The following ILRUN variants were observed in gnomAD, a reference collection of about 807,000 sequenced individuals.
The protein encoded by ILRUN is protein ILRUN.
ILRUN carries 3 observed loss-of-function variants against 33.8 expected under a neutral mutation model. The ratio of observed to expected loss-of-function variants is 0.09; its 90% confidence interval spans 0.04 to 0.23. The LOEUF (loss-of-function observed/expected upper bound fraction) is 0.23. Among genes scored for constraint, ILRUN ranks in the 10% least tolerant of loss-of-function variants. The pLI, the probability that ILRUN is intolerant of heterozygous loss-of-function variation, is 1.00. For missense variants in ILRUN, 210 were observed against 375.1 expected (o/e 0.56, Z 3.64); for synonymous variants, 124 against 138.9 (o/e 0.89, Z 0.75).
At chr6:34,669,980 C>T (rs970176486) in intron 1 of ILRUN, among the ~76,000 whole-genome samples, 2 of 151,756 alleles carry the variant, frequency 1.3e-5, no homozygotes, top group Non-Finnish European at 2.9e-5. Context: ...GGCGCAATCT[C>T]GGCTCACTGA....
At chr6:34,672,472 G>A (rs771250821) in intron 1 of ILRUN, among the ~76,000 whole-genome samples, 1 of 152,076 alleles carries the variant, frequency 6.6e-6, no homozygotes, top group Non-Finnish European at 1.5e-5. Context: ...CCAGCATTTT[G>A]GGAGGCTGAG....
At chr6:34,693,667 A>ATT (rs71810129) in intron 1 of ILRUN, among the ~76,000 whole-genome samples, 9 of 142,092 alleles carry the variant, frequency 6.3e-5, no homozygotes, top group South Asian at 2.3e-4. Context: ...GTTTTATTTT[A>ATT]TTTTATTTTT....
In ILRUN at chr6:34,606,888, A is replaced by T; in HGVS notation, c.528T>A (p.Ile176=). Residue 176 remains isoleucine (I), a synonymous_variant, in exon 4 of 5, where the codon ATT becomes ATA. Transcript: ENST00000374023. ...AAAGTCCACCCACCTCCACACTGAG[A>T]ATCACCCAGATGACATCTGAAACAA... ...GLYYGDVIWV[I]LSVEVGGLLG... 1.2e-6 allele frequency: 2 copies of T among 1,612,630 alleles called. No homozygotes were observed. Among genetic ancestry groups the T allele is most frequent in the South Asian group, 2.2e-5 (2 of 90,994 alleles).
intron 3 of ILRUN, among the ~76,000 whole-genome samples, chr6:34,625,846 C>CTTTTTT (rs58219612): frequency 3.5e-5 from 4 of 114,248 alleles, no homozygotes; most frequent in Non-Finnish European, 7.0e-5. Context: ...TATTGAAAGG[C>CTTTTTT]TTTTTTTTTT....
At chr6:34,664,108 T>C (rs1762949750) in intron 1 of ILRUN, among the ~76,000 whole-genome samples, 1 of 152,192 alleles carries the variant, frequency 6.6e-6, no homozygotes, top group East Asian at 1.9e-4. Flanking sequence ...GATGACGCCA[T>C]GATTTTAGTG....
intron 1 of ILRUN, among the ~76,000 whole-genome samples, chr6:34,695,994 T>C (rs1763761727): frequency 6.6e-6 from 1 of 152,002 alleles, no homozygotes; most frequent in African/African-American, 2.4e-5. Flanking sequence ...TCCTTCCCTA[T>C]AGTTTCCGCC....
rs907022289 is a variant in ILRUN at position 34,589,270 on chromosome 6, A to G, written c.*1295T>C. 6.6e-6 allele frequency: 1 copy of G among 152,264 alleles called. No individual in the cohort carries two copies. The highest frequency in any genetic ancestry group is 1.5e-5 in the Non-Finnish European group (1 of 68,014). The allele number at this position is 152,264 out of a possible 1,614,324, so 9.4% of individuals were successfully genotyped here. A position where few individuals can be genotyped will look rare whatever the true frequency, so the allele number is the denominator to read the frequency against. Reference sequence around the variant, plus strand: ...ACCTGCCTGAGTGAGCAGCCAGTCAATCAGCCTCTTGCTTCAGCTGGGCTG... The same window carrying G: ...ACCTGCCTGAGTGAGCAGCCAGTCAGTCAGCCTCTTGCTTCAGCTGGGCTG... On this transcript the variant is annotated 3_prime_UTR_variant, in exon 5 of 5. Transcript: ENST00000374023.
intron 1 of ILRUN, among the ~76,000 whole-genome samples, chr6:34,677,258 G>C (rs1763255406): frequency 6.6e-6 from 1 of 152,006 alleles, no homozygotes; most frequent in Admixed American, 6.6e-5. Context: ...AATGAGCTGA[G>C]ATCACGCCAC....
In ILRUN at chr6:34,658,933, CATT is replaced by C. The variant is rs1310121762; in HGVS notation, c.159-4157_159-4155del. On this transcript the variant is annotated intron_variant, in intron 1 of 4. Transcript: ENST00000374023. ...AAAACTGAGTTGATACTACCTATCT[CATT>C]ATAATGTTGGCTGTGAAGATTGCAG... is the stretch of plus-strand genomic sequence containing the variant. 6.6e-5 allele frequency among the ~76,000 whole-genome samples: 10 copies of C among 152,212 alleles called. No individual in the cohort carries two copies. In the East Asian group the frequency reaches 1.9e-3, roughly 29 times the overall value.
At chr6:34,629,337 C>G (rs1159996421) in intron 3 of ILRUN, among the ~76,000 whole-genome samples, 1 of 152,178 alleles carries the variant, frequency 6.6e-6, no homozygotes, top group Non-Finnish European at 1.5e-5. Context: ...TTTGTGGGCA[C>G]AGAGTTGCTT....
chr6:34,610,635 A>G (rs769644296), intron 3 of ILRUN, among the ~76,000 whole-genome samples: 4 of 152,234 alleles, frequency 2.6e-5, no homozygotes, highest in Non-Finnish European at 4.4e-5. Context: ...AATATTCAAA[A>G]ATCCAAAAAA....
chr6:34,677,794 C>T (rs1423890006), intron 1 of ILRUN, among the ~76,000 whole-genome samples: 1 of 151,822 alleles, frequency 6.6e-6, no homozygotes, highest in African/African-American at 2.4e-5. Flanking sequence ...ACAAAAAATA[C>T]AAAAATTAGC....
chr6:34,633,836 GA>G (rs1240562431), intron 3 of ILRUN, among the ~76,000 whole-genome samples: 2 of 140,762 alleles, frequency 1.4e-5, no homozygotes, highest in Admixed American at 7.3e-5. Flanking sequence ...AATAGGAAGA[GA>G]GGGGAGGGGA....
intron 1 of ILRUN, among the ~76,000 whole-genome samples, chr6:34,683,453 C>CATATATACATATATATATACAT (rs1763429809): frequency 1.4e-4 from 14 of 96,602 alleles, no homozygotes; most frequent in East Asian, 5.8e-4. Flanking sequence ...TATATATATA[C>CATATATACATATATATATACAT]ATATATATAC....
intron 1 of ILRUN, among the ~76,000 whole-genome samples, chr6:34,692,531 A>G (rs192598002): frequency 3.8e-4 from 58 of 152,246 alleles, no homozygotes; most frequent in Middle Eastern, 6.8e-3. Flanking sequence ...TAGACTTTAG[A>G]TTTTTACTTG....
In ILRUN at chr6:34,694,667, T is replaced by C. The variant is rs1394755125; in HGVS notation, c.158+1779A>G. Among the ~76,000 whole-genome samples the C allele has an allele frequency of 2.6e-5, 4 of 152,262 alleles. 1 individual carries two copies. The South Asian group carries it at 8.3e-4, about 32-fold the overall frequency. ...TATCTCCTGCATCCAGTCAAAGAGT[T>C]TTCTAAACATCTAGAAATTTAAACC... On this transcript the variant is annotated intron_variant, in intron 1 of 4. Transcript: ENST00000374023.
chr6:34,690,783 G>GGTCTA (rs1554190670), intron 1 of ILRUN, among the ~76,000 whole-genome samples: 1 of 44,870 alleles, frequency 2.2e-5, no homozygotes, highest in Non-Finnish European at 5.6e-5. Flanking sequence ...TAGCAAGGAA[G>GGTCTA]GTTTAAACAT....
intron 4 of ILRUN, among the ~76,000 whole-genome samples, chr6:34,590,833 G>A (rs1761280314): frequency 1.3e-5 from 2 of 152,108 alleles, no homozygotes; most frequent in African/African-American, 2.4e-5. Context: ...GAGAGGGGAG[G>A]GTAGAGATAA....
At chr6:34,618,644 T>G (rs1351842552) in intron 3 of ILRUN, among the ~76,000 whole-genome samples, 2 of 152,232 alleles carry the variant, frequency 1.3e-5, no homozygotes, top group African/African-American at 4.8e-5. Flanking sequence ...TCTGATTTTG[T>G]CAGGCTACAG....
Sources: allele counts gnomAD v4.1 joint callset (sites outside exome capture counted in the v4.1 genomes callset), GRCh38; gene constraint gnomAD v4.1.1; transcripts MANE v1.5; gene names NCBI Gene and HGNC (gene_info 2026-07-23, HGNC 2026-07-21).